Variants in ABCC4 observed in about 807,000 individuals in gnomAD.
ABCC4 encodes the protein ATP binding cassette subfamily C member 4 (PEL blood group), also known as ATP-binding cassette sub-family C member 4.
A neutral mutation model predicts 168.5 loss-of-function variants in ABCC4; 102 were observed. That is an observed-to-expected ratio of 0.61 (90% CI 0.52 to 0.71). The LOEUF (loss-of-function observed/expected upper bound fraction) is 0.71. Ranked by LOEUF, ABCC4 falls within the 30% of genes least tolerant of loss-of-function variation. ABCC4 has a pLI of 0.00. For synonymous variants in ABCC4, 617 were observed against 590.7 expected (o/e 1.04, Z -0.65); for missense variants, 1,402 against 1,605.8 (o/e 0.87, Z 2.17).
chr13:95,077,354 T>C (rs959222273), intron 21 of ABCC4, among the ~76,000 whole-genome samples: 4 of 152,160 alleles, frequency 2.6e-5, no homozygotes, highest in African/African-American at 7.2e-5. Context: ...TTTATTTTTT[T>C]CTGAGACAGG....
chr13:95,165,025 C>T (rs192145439), intron 15 of ABCC4, among the ~76,000 whole-genome samples: 1 of 152,110 alleles, frequency 6.6e-6, no homozygotes, highest in African/African-American at 2.4e-5. Context: ...ACCCAGCCAT[C>T]CCACTTTCAA....
chr13:95,228,088 A>C (rs1209437209), intron 4 of ABCC4, among the ~76,000 whole-genome samples: 1 of 152,206 alleles, frequency 6.6e-6, no homozygotes, highest in East Asian at 1.9e-4. Flanking sequence ...AATAGCTTTA[A>C]ATAAAAACAA....
chr13:95,128,777 T>C (rs1382704904), intron 19 of ABCC4, among the ~76,000 whole-genome samples: 1 of 152,218 alleles, frequency 6.6e-6, no homozygotes, highest in Non-Finnish European at 1.5e-5. Context: ...TGAACCTACC[T>C]TATCAACTTG....
At chr13:95,159,091 TTTTATATATA>T (rs1215011731) in intron 19 of ABCC4, among the ~76,000 whole-genome samples, 19 of 27,476 alleles carry the variant, frequency 6.9e-4, no homozygotes, top group African/African-American at 1.8e-3. Context: ...TCTAAATAAA[TTTTATATATA>T]TATATATATA....
intron 7 of ABCC4, 66 bp from the exon 8 acceptor site, chr13:95,206,847 A>G (rs2038797393): frequency 6.4e-7 from 1 of 1,557,470 alleles, no homozygotes; most frequent in South Asian, 1.2e-5. Flanking sequence ...TCACGCCTGC[A>G]ATCTCAGCAC....
chr13:95,027,585 G>A (rs1484601057), intron 30 of ABCC4, among the ~76,000 whole-genome samples: 2 of 152,118 alleles, frequency 1.3e-5, no homozygotes, highest in Admixed American at 6.6e-5. Context: ...AATAACAGAG[G>A]CTTAAGTATA....
intron 19 of ABCC4, among the ~76,000 whole-genome samples, chr13:95,118,842 C>T (rs557633248): frequency 3.3e-5 from 5 of 152,314 alleles, no homozygotes; most frequent in East Asian, 1.9e-4. Context: ...AACATCCAAT[C>T]GTTGCTGCTG....
chr13:95,218,784 A>G (rs1350229624), intron 4 of ABCC4, among the ~76,000 whole-genome samples: 1 of 151,648 alleles, frequency 6.6e-6, no homozygotes, highest in Admixed American at 6.6e-5. Flanking sequence ...CCAGGAGCTC[A>G]AGGCTGCAGT....
intron 19 of ABCC4, among the ~76,000 whole-genome samples, chr13:95,159,129 A>ATATATATG (rs2036995606): frequency 7.7e-6 from 1 of 129,532 alleles, no homozygotes; most frequent in African/African-American, 3.0e-5. Context: ...ATATATATAT[A>ATATATATG]TATAACTATT....
At chr13:95,082,824 G>T (rs1454464495) in intron 21 of ABCC4, among the ~76,000 whole-genome samples, 1 of 152,036 alleles carries the variant, frequency 6.6e-6, no homozygotes, top group Non-Finnish European at 1.5e-5. Flanking sequence ...TTAAGTGCCG[G>T]CTTTGTGTAA....
chr13:95,105,436 A>G (rs563785642), intron 20 of ABCC4, among the ~76,000 whole-genome samples: 1 of 152,228 alleles, frequency 6.6e-6, no homozygotes, highest in Non-Finnish European at 1.5e-5. Context: ...TCCTCCCTAG[A>G]GCACTAATTA....
chr13:95,267,380 T>C (rs2027444), intron 1 of ABCC4, among the ~76,000 whole-genome samples: 146,224 of 152,290 alleles, frequency 0.96, 70,230 homozygotes, highest in East Asian at 1. Flanking sequence ...GTGAGATGTG[T>C]CTTTCCCTTC....
At chr13:95,289,857 G>A (rs1319231113) in intron 1 of ABCC4, among the ~76,000 whole-genome samples, 2 of 152,142 alleles carry the variant, frequency 1.3e-5, no homozygotes, top group African/African-American at 4.8e-5. Context: ...AGCATTTTGG[G>A]AGGCCAAGGC....
At chr13:95,201,154 T>C (rs772468985) in intron 8 of ABCC4, among the ~76,000 whole-genome samples, 2 of 152,220 alleles carry the variant, frequency 1.3e-5, no homozygotes, top group Non-Finnish European at 2.9e-5. Context: ...CAGAGCACCT[T>C]GCCAAAGTTA....
intron 15 of ABCC4, among the ~76,000 whole-genome samples, chr13:95,164,807 G>A (rs1261523285): frequency 6.6e-6 from 1 of 152,092 alleles, no homozygotes; most frequent in Admixed American, 6.5e-5. Context: ...CAATTATCCT[G>A]CCTCAGCCTC....
At chr13:95,280,058 T>C (rs1437757071) in intron 1 of ABCC4, among the ~76,000 whole-genome samples, 1 of 152,170 alleles carries the variant, frequency 6.6e-6, no homozygotes, top group East Asian at 1.9e-4. Flanking sequence ...CCTGCGACTC[T>C]GGGTGAGTTT....
At chr13:95,029,830 C>T (rs1042952430) in intron 30 of ABCC4, among the ~76,000 whole-genome samples, 25 of 152,252 alleles carry the variant, frequency 1.6e-4, no homozygotes, top group African/African-American at 5.3e-4. Context: ...GTGAAGAAAC[C>T]GGAGCAGTAC....
At chr13:95,239,944 G>A (rs1253470366) in intron 3 of ABCC4, among the ~76,000 whole-genome samples, 4 of 152,166 alleles carry the variant, frequency 2.6e-5, no homozygotes, top group Non-Finnish European at 5.9e-5. Context: ...CTTAAGCAAT[G>A]ATCATGAATG....
intron 13 of ABCC4, among the ~76,000 whole-genome samples, chr13:95,172,779 A>C (rs769553775): frequency 1.4e-5 from 2 of 147,210 alleles, no homozygotes; most frequent in African/African-American, 2.5e-5. Context: ...AAAAAACACG[A>C]AACTTAGCCA....
Sources: gnomAD v4.1 joint callset for allele counts (sites outside exome capture counted in the v4.1 genomes callset) on GRCh38, gnomAD v4.1.1 for gene constraint, MANE v1.5 for transcripts, NCBI Gene and HGNC (gene_info 2026-07-23, HGNC 2026-07-21) for gene names.